Variants in CERT1 observed in about 807,000 individuals in gnomAD.
The protein encoded by CERT1 is ceramide transporter 1.
In CERT1, 31 loss-of-function variants were observed where a neutral mutation model predicts 87.9. The ratio of observed to expected loss-of-function variants is 0.35; its 90% CI spans 0.27 to 0.48. CERT1 has a LOEUF of 0.48. Ranked by LOEUF, CERT1 falls within the 20% of genes least tolerant of loss-of-function variation. The pLI, the probability that CERT1 is intolerant of heterozygous loss-of-function variation, is 0.99. For missense variants in CERT1, 487 were observed against 758.0 expected, an observed-to-expected ratio of 0.64 and a Z score of 4.20; for synonymous variants, 289 against 250.9, an observed-to-expected ratio of 1.15 and a Z score of -1.44.
At chr5:75,479,510 C>T (rs1382336705) in intron 2 of CERT1, among the ~76,000 whole-genome samples, 2 of 152,098 alleles carry the variant, frequency 1.3e-5, no homozygotes, top group Admixed American at 1.3e-4. Context: ...AATGAGTTCC[C>T]ACCATTTAGT....
intron 3 of CERT1, among the ~76,000 whole-genome samples, chr5:75,438,408 A>C (rs1416784890): frequency 2.0e-5 from 3 of 152,316 alleles, no homozygotes; most frequent in East Asian, 3.9e-4. Flanking sequence ...GGGTTAAGGA[A>C]GTAAGGATGA....
intron 2 of CERT1, among the ~76,000 whole-genome samples, chr5:75,490,870 T>G (rs1458359548): frequency 6.6e-6 from 1 of 152,202 alleles, no homozygotes; most frequent in South Asian, 2.1e-4. Context: ...TATTGTCATT[T>G]TCTTTCATCT....
At chr5:75,409,280 A>C (rs982210049) in intron 8 of CERT1, among the ~76,000 whole-genome samples, 1 of 152,182 alleles carries the variant, frequency 6.6e-6, no homozygotes, top group Non-Finnish European at 1.5e-5. Flanking sequence ...AGAAGGGATA[A>C]ATTGAGAATA....
At chr5:75,433,721 C>A (rs1003530072) in intron 3 of CERT1, among the ~76,000 whole-genome samples, 1 of 152,108 alleles carries the variant, frequency 6.6e-6, no homozygotes, top group Non-Finnish European at 1.5e-5. Flanking sequence ...GGGTCTCACT[C>A]TTTTTGCCCA....
chr5:75,461,267 G>A (rs1168128933), intron 2 of CERT1, among the ~76,000 whole-genome samples: 1 of 152,112 alleles, frequency 6.6e-6, no homozygotes. Context: ...GATCAGCAGC[G>A]GCATTAGATC....
chr5:75,369,619 C>T (rs1434930623), intron 17 of CERT1: 3 of 152,282 alleles, frequency 2.0e-5, no homozygotes, highest in Non-Finnish European at 2.9e-5. Flanking sequence ...ACCACCTCCA[C>T]AGGACTGTTG....
chr5:75,410,002 G>C (rs917378670), intron 8 of CERT1, among the ~76,000 whole-genome samples: 1 of 151,920 alleles, frequency 6.6e-6, no homozygotes, highest in Non-Finnish European at 1.5e-5. Flanking sequence ...ATGAAGTCTT[G>C]CTATGCTGTC....
At chr5:75,415,063 A>G (rs557224074) in intron 7 of CERT1, among the ~76,000 whole-genome samples, 5 of 152,186 alleles carry the variant, frequency 3.3e-5, no homozygotes, top group Admixed American at 6.5e-5. Flanking sequence ...CACACTCTAC[A>G]TACAAAAGAT....
downstream of CERT1, chr5:75,377,114 T>C (rs1364756614): frequency 6.6e-6 from 1 of 152,192 alleles, no homozygotes; most frequent in Non-Finnish European, 1.5e-5. Context: ...ATAGAAATAG[T>C]ACTATACAAA....
intron 2 of CERT1, among the ~76,000 whole-genome samples, chr5:75,480,149 T>C (rs1766166934): frequency 6.6e-6 from 1 of 152,234 alleles, no homozygotes; most frequent in Admixed American, 6.5e-5. Context: ...GAGGGACCAC[T>C]ATCTATGTCT....
At chr5:75,490,403 G>C (rs1200355777) in intron 2 of CERT1, among the ~76,000 whole-genome samples, 2 of 150,532 alleles carry the variant, frequency 1.3e-5, no homozygotes, top group Non-Finnish European at 3.0e-5. Flanking sequence ...GTCCTTGTCT[G>C]TTTTCCATTT....
intron 3 of CERT1, among the ~76,000 whole-genome samples, chr5:75,432,277 G>A (rs138608512): frequency 1.3e-5 from 2 of 152,124 alleles, no homozygotes; most frequent in Non-Finnish European, 2.9e-5. Flanking sequence ...GGATGGTCTC[G>A]ATCTCTGACG....
At chr5:75,484,571 T>C (rs990192797) in intron 2 of CERT1, among the ~76,000 whole-genome samples, 5 of 150,882 alleles carry the variant, frequency 3.3e-5, no homozygotes, top group African/African-American at 1.2e-4. Flanking sequence ...TCCATGCCAA[T>C]GGAAAGCAAA....
downstream of CERT1, chr5:75,374,611 T>C: frequency 1.5e-6 from 1 of 680,342 alleles, no homozygotes; most frequent in South Asian, 1.4e-5. Flanking sequence ...GTCGCAGCAG[T>C]CAGGGACATT....
intron 3 of CERT1, among the ~76,000 whole-genome samples, chr5:75,427,286 G>A (rs1400845463): frequency 6.6e-6 from 1 of 152,168 alleles, no homozygotes; most frequent in Non-Finnish European, 1.5e-5. Context: ...ATTTTCTACT[G>A]TTACTTTTTA....
rs781151256 is a variant in CERT1, at chr5:75,416,989, T to C, written c.724A>G (p.Lys242Glu). The change falls in exon 7 of 17, where the codon AAA (lysine) becomes GAA (glutamate). Residue 242 changes from lysine (K) to glutamate (E), a missense_variant. Physicochemically the swap from Lys to Glu is moderately conservative, Grantham distance 56. Transcript: ENST00000643780. ...TPKGINGIDF[K>E]GEAITFKATT... The stretch of plus-strand genomic sequence containing the variant: ...GCTTTAAAAGTTATCGCTTCCCCTT[T>C]AAAGTCTATACCATTAATTCCTTTT... 4.3e-6 allele frequency: 7 copies of C among 1,611,604 alleles called. No individual in the cohort carries two copies. The highest frequency in any genetic ancestry group is 5.9e-6 in the Non-Finnish European group (7 of 1,177,902).
intron 2 of CERT1, among the ~76,000 whole-genome samples, chr5:75,494,137 T>C (rs1264559015): frequency 3.3e-5 from 5 of 152,246 alleles, no homozygotes; most frequent in African/African-American, 9.6e-5. Flanking sequence ...ATATGACTGA[T>C]AGTCCTTTGC....
intron 2 of CERT1, among the ~76,000 whole-genome samples, chr5:75,504,742 T>G (rs971809659): frequency 4.0e-5 from 6 of 150,764 alleles, no homozygotes; most frequent in African/African-American, 1.5e-4. Context: ...TGTCTGGCCT[T>G]AGCCAACACT....
intron 3 of CERT1, among the ~76,000 whole-genome samples, chr5:75,429,730 T>A (rs1451690450): frequency 2.0e-5 from 3 of 152,014 alleles, no homozygotes; most frequent in African/African-American, 7.3e-5. Flanking sequence ...GTCCTCTATA[T>A]TACCTTGAAA....
Sources: gnomAD v4.1 joint callset for allele counts (sites outside exome capture counted in the v4.1 genomes callset) on GRCh38, gnomAD v4.1.1 for gene constraint, MANE v1.5 for transcripts, NCBI Gene and HGNC (gene_info 2026-07-23, HGNC 2026-07-21) for gene names.